Variants in CYRIB observed in about 807,000 individuals in gnomAD.
CYRIB encodes CYFIP related Rac1 interactor B.
A neutral mutation model predicts 44.2 loss-of-function variants in CYRIB; 8 were observed. The observed-to-expected ratio is 0.18, with a 90% CI of 0.11 to 0.33. The LOEUF is 0.33. Ranked by LOEUF, CYRIB falls within the 10% of genes least tolerant of loss-of-function variation. The probability of loss-of-function intolerance (pLI) is 1.00; values close to 1 mark genes in which losing one functional copy is unlikely to be tolerated. For missense variants in CYRIB, 185 were observed against 382.8 expected (o/e 0.48, Z 4.31); for synonymous variants, 131 against 127.2 (o/e 1.03, Z -0.20).
intron 2 of CYRIB, among the ~76,000 whole-genome samples, chr8:129,960,949 C>CAAAA (rs35845303): frequency 3.9e-5 from 4 of 102,826 alleles, no homozygotes; most frequent in African/African-American, 3.4e-5. Flanking sequence ...GACTCAGTCT[C>CAAAA]AAAAAAAAAA....
chr8:129,932,138 A>G (rs2091673415), intron 1 of CYRIB, among the ~76,000 whole-genome samples: 1 of 151,510 alleles, frequency 6.6e-6, no homozygotes, highest in South Asian at 2.1e-4. Flanking sequence ...AGCTGGGATT[A>G]CAGGTGCTCA....
intron 5 of CYRIB, among the ~76,000 whole-genome samples, chr8:129,857,524 T>C (rs1269124241): frequency 6.6e-6 from 1 of 152,168 alleles, no homozygotes; most frequent in Non-Finnish European, 1.5e-5. Flanking sequence ...ACATGTAATT[T>C]GTGGACCACA....
intron 2 of CYRIB, among the ~76,000 whole-genome samples, chr8:129,898,172 T>G (rs2069189687): frequency 6.6e-6 from 1 of 151,960 alleles, no homozygotes; most frequent in Non-Finnish European, 1.5e-5. Context: ...CAGTGGAAAC[T>G]TTTTTCCCTG....
intron 6 of CYRIB, 76 bp downstream of exon 8, chr8:129,855,535 T>A: frequency 6.9e-7 from 1 of 1,458,168 alleles, no homozygotes. Flanking sequence ...TTAACAATGT[T>A]TCCCGGCTCT....
chr8:129,990,823 C>A (rs765587255), intron 1 of CYRIB, among the ~76,000 whole-genome samples: 7 of 152,070 alleles, frequency 4.6e-5, no homozygotes, highest in Non-Finnish European at 7.4e-5. Flanking sequence ...TGTGCCCAAC[C>A]AAGACATGGT....
At chr8:130,010,850 T>C (rs776602604) in intron 1 of CYRIB, among the ~76,000 whole-genome samples, 20 of 152,118 alleles carry the variant, frequency 1.3e-4, no homozygotes, top group Non-Finnish European at 2.6e-4. Flanking sequence ...GCACTCAAAG[T>C]ATGGTCTACA....
upstream of CYRIB, among the ~76,000 whole-genome samples, chr8:129,943,967 G>A (rs935748158): frequency 7.0e-4 from 106 of 151,390 alleles, 2 homozygotes; most frequent in Non-Finnish European, 1.9e-4. Flanking sequence ...TTAAGGGAAG[G>A]GGAAAGGGCC....
intron 5 of CYRIB, among the ~76,000 whole-genome samples, chr8:129,856,336 A>G (rs2046211784): frequency 6.6e-6 from 1 of 152,202 alleles, no homozygotes; most frequent in African/African-American, 2.4e-5. Flanking sequence ...TCATTATGTG[A>G]GCAAAATGGT....
chr8:129,883,286 C>T (rs2061483012), intron 2 of CYRIB, among the ~76,000 whole-genome samples: 1 of 152,050 alleles, frequency 6.6e-6, no homozygotes, highest in Middle Eastern at 3.4e-3. Context: ...TAGATACTAG[C>T]AGCTACCCCC....
exon 12 of CYRIB, chr8:129,841,829 C>CA (rs908114473): frequency 1.0e-4 from 23 of 226,340 alleles, no homozygotes; most frequent in East Asian, 8.8e-4. Flanking sequence ...ATATTAGTTT[C>CA]AAAAAAAATC....
At chr8:129,939,500 G>A (rs1357248672) in intron 1 of CYRIB, 1 of 151,858 alleles carries the variant, frequency 6.6e-6, no homozygotes, top group African/African-American at 2.4e-5. Flanking sequence ...GAAGCCCCGC[G>A]CCAGCGCGGG....
At position 129,876,449 on chromosome 8, in the gene CYRIB, T is replaced by C. The variant is rs193202893; in HGVS notation, c.73+2940A>G. ...TTGAGAGCTTCCAGCATGTATGGGTTGTATCTTAGTTATTTTGCAACCCCA... is the reference window on the plus strand; with the variant it reads ...TTGAGAGCTTCCAGCATGTATGGGTCGTATCTTAGTTATTTTGCAACCCCA... On this transcript the variant is annotated intron_variant, in intron 3 of 11. Transcript: ENST00000519824. Among the ~76,000 whole-genome samples, 343 of 152,290 alleles carry C rather than the reference T, an allele frequency of 2.3e-3. 1 individual carries two copies. Among genetic ancestry groups the C allele is most frequent in the African/African-American group, 8.0e-3 (332 of 41,570 alleles).
rs1397090227 is a variant in CYRIB at position 129,908,563 on chromosome 8, T to C, written c.-49-5213A>G. Among the ~76,000 whole-genome samples the C allele has an allele frequency of 2.0e-5, 3 of 152,164 alleles. No individual in the cohort carries two copies. The East Asian group carries it at 5.8e-4, about 29-fold the overall frequency. ...CAAAAATAAACTCAAAGTGTGTAGA[T>C]TAATGGAAATGCTAGTTTTGCTGAA... On this transcript the variant is annotated intron_variant, in intron 1 of 11. Transcript: ENST00000519824.
At chr8:129,991,961 A>C (rs929068949) in intron 1 of CYRIB, among the ~76,000 whole-genome samples, 3 of 148,344 alleles carry the variant, frequency 2.0e-5, no homozygotes, top group Non-Finnish European at 4.5e-5. Context: ...AAAAAAAAAA[A>C]AAAAAAAAAA....
chr8:130,011,746 T>C (rs2097222777), intron 1 of CYRIB, among the ~76,000 whole-genome samples: 1 of 151,454 alleles, frequency 6.6e-6, no homozygotes, highest in Non-Finnish European at 1.5e-5. Flanking sequence ...GGCAGAAGAA[T>C]GGCATGAATC....
At chr8:129,862,491 G>A (rs2050348443) in intron 4 of CYRIB, among the ~76,000 whole-genome samples, 157 bp from the exon 7 acceptor site, 1 of 150,774 alleles carries the variant, frequency 6.6e-6, no homozygotes, top group African/African-American at 2.4e-5. Flanking sequence ...TTTTTTTTGA[G>A]AGAGCGTCTC....
At chr8:129,930,835 G>A (rs539258655) in intron 1 of CYRIB, among the ~76,000 whole-genome samples, 3 of 152,240 alleles carry the variant, frequency 2.0e-5, no homozygotes, top group South Asian at 2.1e-4. Flanking sequence ...ACTGGCAACT[G>A]AGAACTAGCT....
chr8:129,982,542 T>C (rs1305326915), intron 1 of CYRIB, among the ~76,000 whole-genome samples: 1 of 152,226 alleles, frequency 6.6e-6, no homozygotes, highest in African/African-American at 2.4e-5. Context: ...CAGACCTTGA[T>C]CCAAGTCCTG....
intron 1 of CYRIB, among the ~76,000 whole-genome samples, chr8:130,015,804 AG>A (rs1214831284): frequency 6.6e-6 from 1 of 152,256 alleles, no homozygotes; most frequent in African/African-American, 2.4e-5. Context: ...AAAGGCGAAG[AG>A]GAAGTGCTCT....
Sources: allele counts gnomAD v4.1 joint callset (sites outside exome capture counted in the v4.1 genomes callset), GRCh38; gene constraint gnomAD v4.1.1; transcripts MANE v1.5; gene names NCBI Gene and HGNC (gene_info 2026-07-23, HGNC 2026-07-21).